Variants in CCNJ observed in about 807,000 individuals in gnomAD.
CCNJ encodes cyclin J, also known as cyclin-J.
CCNJ carries 12 observed loss-of-function variants against 41.4 expected under a neutral mutation model. That is an observed-to-expected ratio of 0.29 (90% CI 0.19 to 0.47). The LOEUF (loss-of-function observed/expected upper bound fraction) is 0.47, where lower values mean the gene tolerates loss of function less well. Among genes scored for constraint, CCNJ ranks in the 20% least tolerant of loss-of-function variants. The pLI, the probability that CCNJ is intolerant of heterozygous loss-of-function variation, is 1.00. For synonymous variants in CCNJ, 161 were observed against 173.4 expected, an observed-to-expected ratio of 0.93 and a Z score of 0.56; for missense variants, 340 against 464.6, an observed-to-expected ratio of 0.73 and a Z score of 2.47.
At chr10:96,044,576 A>G (rs1335130990) in intron 2 of CCNJ, 114 bp downstream of exon 2, 1 of 804,166 alleles carries the variant, frequency 1.2e-6, no homozygotes, top group Non-Finnish European at 1.8e-6. Context: ...CCGGGCCAGA[A>G]AAGGCGAGTT....
At chr10:96,044,612 C>T in intron 2 of CCNJ, 150 bp downstream of exon 2, 1 of 527,142 alleles carries the variant, frequency 1.9e-6, no homozygotes, top group Non-Finnish European at 3.1e-6. Context: ...GGTTAATTAA[C>T]TTCTTGGCTC....
chr10:96,059,053 G>A lies in CCNJ; in HGVS notation c.*812G>A, dbSNP rs2080765647. 1 of 152,590 alleles carries A rather than the reference G, an allele frequency of 6.6e-6. No individual in the cohort carries two copies. Among genetic ancestry groups the A allele is most frequent in the Non-Finnish European group, 1.5e-5 (1 of 68,030 alleles). The allele number at this position is 152,590 out of a possible 1,614,324, so 9.5% of individuals were successfully genotyped here. On this transcript the variant is annotated 3_prime_UTR_variant, in exon 6 of 6. Transcript: ENST00000465148. Reference sequence around the variant, plus strand: ...ACCTTTATAACATAGGTTAAAATACGCTTGCTAGGGTGTGTTTTCAAATGA... The same window carrying A: ...ACCTTTATAACATAGGTTAAAATACACTTGCTAGGGTGTGTTTTCAAATGA...
chr10:96,049,857 T>C (rs1291402567), intron 2 of CCNJ, among the ~76,000 whole-genome samples: 2 of 152,148 alleles, frequency 1.3e-5, no homozygotes, highest in East Asian at 1.9e-4. Context: ...CACTTATCTA[T>C]TACCTTCTAA....
chr10:96,050,179 A>C, intron 2 of CCNJ, 77 bp from the exon 3 acceptor site: 1 of 985,746 alleles, frequency 1.0e-6, no homozygotes, highest in South Asian at 1.3e-5. Flanking sequence ...ATATATTGGA[A>C]AAACAATGTT....
intron 1 of CCNJ, 31 bp from the exon 2 acceptor site, chr10:96,044,322 G>T (rs562262213): frequency 3.2e-5 from 40 of 1,257,620 alleles, no homozygotes; most frequent in Admixed American, 1.7e-4. Flanking sequence ...GGGGGAGCCG[G>T]CAGTGACCGC....
intron 3 of CCNJ, among the ~76,000 whole-genome samples, chr10:96,054,044 A>G (rs2080608264): frequency 6.6e-6 from 1 of 152,120 alleles, no homozygotes; most frequent in Admixed American, 6.5e-5. Context: ...TCTACCACAT[A>G]CCTACTATTC....
rs558899677 is a variant in CCNJ, at chr10:96,057,513, T to A, written c.740+266T>A. On this transcript the variant is annotated intron_variant, in intron 5 of 5. Transcript: ENST00000465148. ...ACCCTGAGATCAGTCCAGGCCAGCC[T>A]TGCCCCATTCCTAACATCATTGAAT... Among the ~76,000 whole-genome samples, 10 of 152,320 alleles carry A rather than the reference T, an allele frequency of 6.6e-5. No homozygotes were observed. In the South Asian group the frequency reaches 2.1e-3, roughly 32 times the overall value.
At chr10:96,057,044 C>G in intron 4 of CCNJ, 44 bp downstream of exon 4, 1 of 1,612,282 alleles carries the variant, frequency 6.2e-7, no homozygotes, top group Non-Finnish European at 8.5e-7. Context: ...GCACTTGTGA[C>G]TCGTGTATTC....
At chr10:96,052,176 C>T (rs909711567) in intron 3 of CCNJ, among the ~76,000 whole-genome samples, 2 of 152,168 alleles carry the variant, frequency 1.3e-5, no homozygotes, top group African/African-American at 4.8e-5. Context: ...GTTTCATGCT[C>T]ATAAGTAATC....
Position 96,060,035 on chromosome 10 carries a change from T to C in CCNJ, c.*1794T>C, listed in dbSNP as rs2080784234. ...TCATGGCAGTTTTTAAGCATGAAAA[T>C]TGTTTTCTGAAAGTATCATCACTTT... On this transcript the variant is annotated 3_prime_UTR_variant, in exon 6 of 6. Transcript: ENST00000465148. 1 of 152,652 alleles carries C rather than the reference T, an allele frequency of 6.6e-6. No individual in the cohort carries two copies. The highest frequency in any genetic ancestry group is 2.1e-4 in the South Asian group (1 of 4,830). 9.5% of individuals were successfully genotyped at this position (152,652 alleles called of 1,614,324 possible).
In CCNJ at chr10:96,050,480, T is replaced by G; in HGVS notation, c.280+14T>G. 6.3e-7 allele frequency: 1 copy of G among 1,578,582 alleles called. No individual in the cohort carries two copies. Among genetic ancestry groups the G allele is most frequent in the Non-Finnish European group, 8.7e-7 (1 of 1,147,956 alleles). On this transcript the variant is annotated intron_variant, in intron 3 of 5. Coordinates refer to ENST00000465148, the MANE Select transcript of CCNJ (RefSeq NM_001134375.2). ...TGCTTCTAGCAAGTAAGTATGAATC[T>G]GATTTACATGACTGGAAATTTCTGA...
intron 2 of CCNJ, among the ~76,000 whole-genome samples, chr10:96,049,481 CTTTTTTT>C (rs150769179): frequency 1.2e-4 from 13 of 108,312 alleles, no homozygotes; most frequent in South Asian, 6.2e-4. Context: ...TTTTCTTTTT[CTTTTTTT>C]TTTTTTTTTT....
intron 2 of CCNJ, among the ~76,000 whole-genome samples, 182 bp from the exon 3 acceptor site, chr10:96,050,074 A>T (rs1455199856): frequency 3.3e-5 from 5 of 152,188 alleles, no homozygotes; most frequent in Admixed American, 3.3e-4. Flanking sequence ...AAGGAGAAAA[A>T]TTTGGTTTTA....
At chr10:96,053,290 C>T (rs2080583395) in intron 3 of CCNJ, among the ~76,000 whole-genome samples, 1 of 152,156 alleles carries the variant, frequency 6.6e-6, no homozygotes, top group Non-Finnish European at 1.5e-5. Context: ...TCAACAACCC[C>T]TGAATCTCAG....
chr10:96,044,603 G>C (rs1354663796), intron 2 of CCNJ, 141 bp downstream of exon 2: 3 of 563,938 alleles, frequency 5.3e-6, no homozygotes, highest in Non-Finnish European at 8.4e-6. Flanking sequence ...TTTGCTCAAG[G>C]TTAATTAACT....
chr10:96,054,243 TC>T (rs2080614360), intron 3 of CCNJ, among the ~76,000 whole-genome samples: 1 of 152,206 alleles, frequency 6.6e-6, no homozygotes, highest in South Asian at 2.1e-4. Context: ...TTCTGTTATT[TC>T]CTTTCAATTG....
At position 96,057,600 on chromosome 10, in the gene CCNJ, A is replaced by G. The variant is rs111263025; in HGVS notation, c.741-230A>G. ...ACACTTACGTGCTTATTATGGACAC[A>G]TCTCCCAAACTGGAAATAATCCTCA... On this transcript the variant is annotated intron_variant, in intron 5 of 5. Transcript: ENST00000465148. Among the ~76,000 whole-genome samples the G allele has an allele frequency of 9.6e-3, 1,456 of 152,336 alleles. 23 individuals are homozygous for G. Among genetic ancestry groups the G allele is most frequent in the African/African-American group, 0.032 (1,330 of 41,560 alleles).
intron 2 of CCNJ, among the ~76,000 whole-genome samples, chr10:96,047,481 T>A (rs2080396520): frequency 6.6e-6 from 1 of 152,052 alleles, no homozygotes; most frequent in South Asian, 2.1e-4. Context: ...GACCCTGTTG[T>A]ACAGAAACTA....
chr10:96,043,527 G>T, upstream of CCNJ: 1 of 393,550 alleles, frequency 2.5e-6, no homozygotes, highest in South Asian at 1.3e-4. Flanking sequence ...TGGCAGCGGC[G>T]GGGCCTCAAG....
Sources: gnomAD v4.1 joint callset for allele counts (sites outside exome capture counted in the v4.1 genomes callset) on GRCh38, gnomAD v4.1.1 for gene constraint, MANE v1.5 for transcripts, NCBI Gene and HGNC (gene_info 2026-07-23, HGNC 2026-07-21) for gene names.